PRKN: variants seen among roughly 807,000 people sequenced by gnomAD.
PRKN encodes parkin RBR E3 ubiquitin protein ligase.
Under a neutral mutation model 59.5 loss-of-function variants are expected in PRKN, and 56 were observed. That is an observed-to-expected ratio of 0.94 (90% CI 0.76 to 1.18). The LOEUF (loss-of-function observed/expected upper bound fraction) is 1.18. Ranked by LOEUF, PRKN falls within the 50% of genes most tolerant of loss-of-function variation. The probability of loss-of-function intolerance (pLI) is 0.00; values close to 1 mark genes in which losing one functional copy is unlikely to be tolerated. For synonymous variants in PRKN, 250 were observed against 222.1 expected (o/e 1.13, Z -1.12); for missense variants, 657 against 596.4 (o/e 1.10, Z -1.06).
At chr6:162,703,973 G>A (rs188645811) in intron 1 of PRKN, among the ~76,000 whole-genome samples, 38 of 152,296 alleles carry the variant, frequency 2.5e-4, no homozygotes, top group Non-Finnish European at 4.7e-4. Flanking sequence ...GGAGACCACA[G>A]ACAGCATTTG....
At chr6:161,824,763 T>C (rs568769526) in intron 6 of PRKN, among the ~76,000 whole-genome samples, 2 of 152,320 alleles carry the variant, frequency 1.3e-5, no homozygotes, top group Non-Finnish European at 2.9e-5. Flanking sequence ...GAAATAATCA[T>C]AGGGCCACAT....
rs1160539737 is a variant in PRKN at position 161,582,433 on chromosome 6, A to ATTATTG, written c.872-13018_872-13017insCAATAA. Among the ~76,000 whole-genome samples the ATTATTG allele has an allele frequency of 6.7e-6, 1 of 150,224 alleles. No homozygotes were observed. Among genetic ancestry groups the ATTATTG allele is most frequent in the East Asian group, 2.0e-4 (1 of 5,102 alleles). ...GCAGACTATTATTATTATTATTATT[A>ATTATTG]TTATTATTTTTGAGACAGAGTCTCG... is the stretch of plus-strand genomic sequence containing the variant. On this transcript the variant is annotated intron_variant, in intron 7 of 11. Coordinates refer to ENST00000366898, the MANE Select transcript of PRKN (RefSeq NM_004562.3). The surrounding 1 kb of genome is among the most constrained non-coding windows in gnomAD (Gnocchi z 4.4).
intron 9 of PRKN, among the ~76,000 whole-genome samples, chr6:161,432,836 T>C (rs892604651): frequency 6.6e-6 from 1 of 152,194 alleles, no homozygotes; most frequent in African/African-American, 2.4e-5. Flanking sequence ...CAAAGGCGTA[T>C]TGAAAATAAC....
At position 161,376,381 on chromosome 6, in the gene PRKN, G is replaced by A. The variant is rs1785702402; in HGVS notation, c.1167+10413C>T. Among the ~76,000 whole-genome samples, 1 of 152,182 alleles carries A rather than the reference G, an allele frequency of 6.6e-6. No homozygotes were observed. Among genetic ancestry groups the A allele is most frequent in the African/African-American group, 2.4e-5 (1 of 41,438 alleles). ...GAATGTGTGTCTCCCCGAACAACCT[G>A]CTTTTGTTTCTGTCTCCTCTTCCAG... On this transcript the variant is annotated intron_variant, in intron 10 of 11. Coordinates refer to ENST00000366898, the MANE Select transcript of PRKN (RefSeq NM_004562.3). The surrounding 1 kb of genome is among the most constrained non-coding windows in gnomAD (Gnocchi z 7.3).
intron 9 of PRKN, among the ~76,000 whole-genome samples, chr6:161,540,990 T>G (rs566515326): frequency 6.6e-6 from 1 of 152,350 alleles, no homozygotes; most frequent in South Asian, 2.1e-4. Flanking sequence ...GAAATTGCTT[T>G]ATTTCTGGAA....
At chr6:162,460,905 T>C (rs1791120892) in intron 1 of PRKN, among the ~76,000 whole-genome samples, 1 of 152,202 alleles carries the variant, frequency 6.6e-6, no homozygotes, top group Non-Finnish European at 1.5e-5. Context: ...ACCTTTAATA[T>C]AGAAAATATA....
At chr6:161,751,094 G>A (rs1305741008) in intron 7 of PRKN, among the ~76,000 whole-genome samples, 1 of 151,990 alleles carries the variant, frequency 6.6e-6, no homozygotes, top group Non-Finnish European at 1.5e-5. Flanking sequence ...ATACATACTG[G>A]TAGAATGAGT....
At chr6:162,611,869 A>C (rs1231557630) in intron 1 of PRKN, among the ~76,000 whole-genome samples, 27 of 152,162 alleles carry the variant, frequency 1.8e-4, no homozygotes, top group Admixed American at 1.7e-3. Flanking sequence ...GAAAATCTTC[A>C]AATACTTGAA....
chr6:161,516,491 A>G (rs6904774), intron 9 of PRKN, among the ~76,000 whole-genome samples: 1 of 56,092 alleles, frequency 1.8e-5, no homozygotes, highest in Non-Finnish European at 3.3e-5. Context: ...AAAAAAAAAA[A>G]AAGAAGAAGA....
At chr6:162,269,496 C>G (rs566563237) in intron 2 of PRKN, 2 of 152,338 alleles carry the variant, frequency 1.3e-5, no homozygotes, top group South Asian at 2.1e-4. Context: ...AAACATCCCA[C>G]CTTGGATTGT....
intron 5 of PRKN, among the ~76,000 whole-genome samples, chr6:161,976,877 C>A (rs1340518717): frequency 6.6e-6 from 1 of 152,180 alleles, no homozygotes; most frequent in African/African-American, 2.4e-5. Context: ...ATTCAGCTAA[C>A]AAATCACAAA....
In PRKN at chr6:162,671,279, T is replaced by A. The variant is rs371128222; in HGVS notation, c.7+56383A>T. On this transcript the variant is annotated intron_variant, in intron 1 of 11. Transcript: ENST00000366898. ...ACTTTGGGAGGCCGAGGCGGGTGGA[T>A]CACAAGGTCAGGAGATCGAGACCAT... Among the ~76,000 whole-genome samples, 195 of 152,116 alleles carry A rather than the reference T, an allele frequency of 1.3e-3. 6 individuals are homozygous for A. In the South Asian group the frequency reaches 0.04, roughly 31 times the overall value.
intron 5 of PRKN, among the ~76,000 whole-genome samples, chr6:162,043,428 C>G (rs929866580): frequency 3.3e-5 from 5 of 152,210 alleles, no homozygotes; most frequent in African/African-American, 1.2e-4. Flanking sequence ...GCCAAGGAAG[C>G]TTCATTGAAT....
intron 1 of PRKN, among the ~76,000 whole-genome samples, chr6:162,599,638 T>C (rs1781624196): frequency 6.6e-6 from 1 of 152,140 alleles, no homozygotes; most frequent in South Asian, 2.1e-4. Flanking sequence ...CAGGTGAAGA[T>C]GGGCTCACAA....
chr6:161,862,438 T>A (rs897955224), intron 6 of PRKN, among the ~76,000 whole-genome samples: 1 of 152,158 alleles, frequency 6.6e-6, no homozygotes, highest in African/African-American at 2.4e-5. Flanking sequence ...CACCTCTGCA[T>A]TGGCTGAGCT....
rs1478370368 is a variant in PRKN, at chr6:161,445,202, G to A, written c.1084-58325C>T. 2.6e-5 allele frequency among the ~76,000 whole-genome samples: 4 copies of A among 152,132 alleles called. No individual in the cohort carries two copies. The highest frequency in any genetic ancestry group is 1.3e-4 in the Admixed American group (2 of 15,272). On this transcript the variant is annotated intron_variant, in intron 9 of 11. Coordinates refer to ENST00000366898, the MANE Select transcript of PRKN (RefSeq NM_004562.3). This position sits in a 1 kb window ranked among gnomAD's most constrained non-coding sequence, Gnocchi z 7.7. ...GAGTGTACAGCAGTCAGACAGGAAC[G>A]GGGAGAGGGGGCTCAACTTTCTGAC...
chr6:161,897,984 A>AT lies in PRKN; in HGVS notation c.734+75317_734+75318insA, dbSNP rs1554244227. ...TCCGTCTCAAAAAAAAAAAAAAAAA[A>AT]GTCTCCCAGTTGCATAGAAAAGGTT... On this transcript the variant is annotated intron_variant, in intron 6 of 11. Transcript: ENST00000366898. Among the ~76,000 whole-genome samples the AT allele has an allele frequency of 1.5e-4, 18 of 117,612 alleles. 2 individuals carry two copies. The highest frequency in any genetic ancestry group is 7.5e-4 in the African/African-American group (18 of 23,972). 77.2% of individuals were successfully genotyped at this position (117,612 alleles called of 152,430 possible). A position where few individuals can be genotyped will look rare whatever the true frequency, so the allele number is the denominator to read the frequency against.
chr6:162,170,794 T>G (rs1296018979), intron 4 of PRKN, among the ~76,000 whole-genome samples: 6 of 152,164 alleles, frequency 3.9e-5, no homozygotes, highest in Admixed American at 3.9e-4. Flanking sequence ...GGACCACAAA[T>G]GGTACACGAA....
chr6:162,335,226 G>A (rs192886632), intron 2 of PRKN, among the ~76,000 whole-genome samples: 3 of 151,338 alleles, frequency 2.0e-5, no homozygotes, highest in Admixed American at 1.3e-4. Flanking sequence ...ATTTTTAGTA[G>A]AGATGGGGTT....
Sources: allele counts gnomAD v4.1 joint callset (sites outside exome capture counted in the v4.1 genomes callset), GRCh38; gene constraint gnomAD v4.1.1; non-coding constraint Gnocchi (gnomAD v3.1); transcripts MANE v1.5; gene names NCBI Gene and HGNC (gene_info 2026-07-23, HGNC 2026-07-21).